The following TMEM178B variants were observed in gnomAD, a reference collection of about 807,000 sequenced individuals.
The protein encoded by TMEM178B is transmembrane protein 178B.
A neutral mutation model predicts 31.0 loss-of-function variants in TMEM178B; 5 were observed. The ratio of observed to expected loss-of-function variants is 0.16; its 90% CI spans 0.08 to 0.34. The LOEUF (loss-of-function observed/expected upper bound fraction) is 0.34, where lower values mean the gene tolerates loss of function less well. TMEM178B is among the 10% of genes least tolerant of loss of function. TMEM178B has a pLI of 1.00. For synonymous variants in TMEM178B, 164 were observed against 164.0 expected, an observed-to-expected ratio of 1.00 and a Z score of 0.00; for missense variants, 275 against 400.3, an observed-to-expected ratio of 0.69 and a Z score of 2.67.
intron 1 of TMEM178B, among the ~76,000 whole-genome samples, chr7:141,145,474 T>C (rs957222523): frequency 4.6e-5 from 7 of 152,214 alleles, no homozygotes; most frequent in African/African-American, 1.7e-4. Context: ...GGCTCCTTCT[T>C]TCTAGGAACA....
intron 1 of TMEM178B, among the ~76,000 whole-genome samples, chr7:141,115,411 GAGCAGAAA>G (rs775020879): frequency 9.9e-5 from 15 of 152,124 alleles, no homozygotes; most frequent in Non-Finnish European, 1.8e-4. Context: ...CAGTAGGAAT[GAGCAGAAA>G]AGCCGGGTGG....
At chr7:141,304,918 C>G (rs1798790470) in intron 2 of TMEM178B, among the ~76,000 whole-genome samples, 2 of 152,196 alleles carry the variant, frequency 1.3e-5, no homozygotes, top group African/African-American at 4.8e-5. Context: ...TACACACCCA[C>G]TATGGGGCAA....
intron 2 of TMEM178B, among the ~76,000 whole-genome samples, chr7:141,324,433 T>G (rs1329259973): frequency 4.7e-4 from 57 of 121,864 alleles, no homozygotes; most frequent in African/African-American, 1.5e-3. Flanking sequence ...TTTTTTTTTT[T>G]TTTTTTTTTT....
chr7:141,328,327 G>A (rs1472107210), intron 2 of TMEM178B, among the ~76,000 whole-genome samples: 1 of 152,204 alleles, frequency 6.6e-6, no homozygotes, highest in African/African-American at 2.4e-5. Context: ...AAGGAACTGT[G>A]AGACACAGTA....
chr7:141,284,473 A>G (rs1271217326), intron 2 of TMEM178B, among the ~76,000 whole-genome samples: 3 of 152,182 alleles, frequency 2.0e-5, no homozygotes, highest in Non-Finnish European at 4.4e-5. Flanking sequence ...GAAAACATTG[A>G]CATTGTCTCC....
chr7:141,415,828 A>G (rs1393663478), intron 2 of TMEM178B, among the ~76,000 whole-genome samples: 6 of 152,202 alleles, frequency 3.9e-5, no homozygotes, highest in African/African-American at 1.4e-4. Context: ...AGCATGTCCA[A>G]TCAGCTGTGA....
At chr7:141,348,729 C>A (rs978783528) in intron 2 of TMEM178B, among the ~76,000 whole-genome samples, 4 of 152,084 alleles carry the variant, frequency 2.6e-5, no homozygotes, top group Non-Finnish European at 5.9e-5. Context: ...AGAAAGGAGG[C>A]AATTGTAATT....
intron 2 of TMEM178B, among the ~76,000 whole-genome samples, chr7:141,366,941 C>G (rs938271900): frequency 6.6e-6 from 1 of 152,090 alleles, no homozygotes; most frequent in African/African-American, 2.4e-5. Context: ...TCCTGGCTCC[C>G]TAAAGGAGAC....
intron 2 of TMEM178B, among the ~76,000 whole-genome samples, chr7:141,350,688 T>A (rs1245026948): frequency 1.4e-4 from 21 of 152,222 alleles, no homozygotes; most frequent in Non-Finnish European, 2.5e-4. Flanking sequence ...TTAAATTTTT[T>A]AATTTTAAAT....
chr7:141,208,318 G>T (rs2129187302), intron 1 of TMEM178B, among the ~76,000 whole-genome samples: 2 of 152,280 alleles, frequency 1.3e-5, no homozygotes, highest in East Asian at 3.9e-4. Context: ...CAGAGACTCT[G>T]GGCTGGGATG....
chr7:141,139,257 C>G (rs908795498), intron 1 of TMEM178B, among the ~76,000 whole-genome samples: 12 of 152,208 alleles, frequency 7.9e-5, no homozygotes, highest in African/African-American at 2.9e-4. Context: ...TTTCACCTAT[C>G]TTTTTACCTT....
intron 2 of TMEM178B, among the ~76,000 whole-genome samples, chr7:141,270,398 A>G (rs938708117): frequency 6.6e-6 from 1 of 152,048 alleles, no homozygotes; most frequent in Non-Finnish European, 1.5e-5. Flanking sequence ...GGTTCAAGCA[A>G]TTCTCCTGCC....
At position 141,344,626 on chromosome 7, in the gene TMEM178B, T is replaced by C. The variant is rs866224505; in HGVS notation, c.497-92982T>C. Among the ~76,000 whole-genome samples the C allele has an allele frequency of 7.9e-6, 1 of 127,382 alleles. No individual in the cohort carries two copies. The highest frequency in any genetic ancestry group is 2.9e-5 in the African/African-American group (1 of 34,214). The allele number at this position is 127,382 out of a possible 152,430, so 83.6% of individuals were successfully genotyped here. On this transcript the variant is annotated intron_variant, in intron 2 of 3. Transcript: ENST00000565468. The surrounding 1 kb of genome is among the most constrained non-coding windows in gnomAD (Gnocchi z 4.1). ...TTCCTTCCTTCCTTCCTTCCTTCCT[T>C]CCTCCCTTCCTTCTTCCCTTCATCA...
At chr7:141,095,633 T>G (rs1474253504) in intron 1 of TMEM178B, among the ~76,000 whole-genome samples, 1 of 152,164 alleles carries the variant, frequency 6.6e-6, no homozygotes, top group African/African-American at 2.4e-5. Context: ...AGCTGTGTAT[T>G]CTCTCAATCA....
At chr7:141,452,934 C>G (rs2116706727) in intron 3 of TMEM178B, among the ~76,000 whole-genome samples, 1 of 152,356 alleles carries the variant, frequency 6.6e-6, no homozygotes, top group Middle Eastern at 3.4e-3. Flanking sequence ...CAGACACAAT[C>G]TTGTCTCATG....
chr7:141,161,148 C>T (rs1450686791), intron 1 of TMEM178B, among the ~76,000 whole-genome samples: 1 of 152,194 alleles, frequency 6.6e-6, no homozygotes, highest in Non-Finnish European at 1.5e-5. Context: ...AACCACTGCG[C>T]CCGGCCTGGA....
Position 141,382,877 on chromosome 7 carries a change from A to C in TMEM178B, c.497-54731A>C, listed in dbSNP as rs182729665. Among the ~76,000 whole-genome samples the C allele has an allele frequency of 1.6e-4, 25 of 152,342 alleles. 1 individual carries two copies. The highest frequency in any genetic ancestry group is 6.0e-4 in the African/African-American group (25 of 41,586). On this transcript the variant is annotated intron_variant, in intron 2 of 3. Transcript: ENST00000565468. ...TTCCTTTATATCTCTGGAGTCTTTTAACAAATGTAGAAATCACAGCAACAT... is the reference window on the plus strand; with the variant it reads ...TTCCTTTATATCTCTGGAGTCTTTTCACAAATGTAGAAATCACAGCAACAT...
rs1802364027 is a variant in TMEM178B, at chr7:141,476,328, A to T, written c.*5542A>T. On this transcript the variant is annotated 3_prime_UTR_variant, in exon 4 of 4. Coordinates refer to ENST00000565468, the MANE Select transcript of TMEM178B (RefSeq NM_001195278.2). ...AGCCAGTTTTGCAAAGGGCACTTTT[A>T]TCCATCTCAGTTATTCCCAGAGGTG... 6.6e-6 allele frequency: 1 copy of T among 152,210 alleles called. No homozygotes were observed. 9.4% of individuals were successfully genotyped at this position (152,210 alleles called of 1,614,324 possible). A position where few individuals can be genotyped will look rare whatever the true frequency, so the allele number is the denominator to read the frequency against.
chr7:141,173,986 T>C (rs1321544012), intron 1 of TMEM178B, among the ~76,000 whole-genome samples: 1 of 152,212 alleles, frequency 6.6e-6, no homozygotes, highest in Non-Finnish European at 1.5e-5. Context: ...TACTGTAAGT[T>C]CTGGGGTACA....
Sources: allele counts gnomAD v4.1 joint callset (sites outside exome capture counted in the v4.1 genomes callset), GRCh38; gene constraint gnomAD v4.1.1; non-coding constraint Gnocchi (gnomAD v3.1); transcripts MANE v1.5; gene names NCBI Gene and HGNC (gene_info 2026-07-23, HGNC 2026-07-21).